Variants in PPARG observed in about 807,000 individuals in gnomAD.
PPARG encodes the protein peroxisome proliferator-activated receptor gamma.
In PPARG, 17 loss-of-function variants were observed where a neutral mutation model predicts 39.2. The ratio of observed to expected loss-of-function variants is 0.43; its 90% CI spans 0.30 to 0.65. PPARG has a LOEUF of 0.65. Among genes scored for constraint, PPARG ranks in the 30% least tolerant of loss-of-function variants. The pLI, the probability that PPARG is intolerant of heterozygous loss-of-function variation, is 0.13. For missense variants in PPARG, 406 were observed against 585.9 expected (o/e 0.69, Z 3.17); for synonymous variants, 223 against 215.7 (o/e 1.03, Z -0.30).
intron 2 of PPARG, among the ~76,000 whole-genome samples, chr3:12,331,184 A>T (rs1389167279): frequency 6.6e-6 from 1 of 152,242 alleles, no homozygotes; most frequent in Non-Finnish European, 1.5e-5. Context: ...GCAGAAAAAG[A>T]ACAAGTATTA....
chr3:12,326,757 A>G (rs529283805), intron 2 of PPARG, among the ~76,000 whole-genome samples: 22 of 152,302 alleles, frequency 1.4e-4, no homozygotes, highest in African/African-American at 4.8e-4. Flanking sequence ...GATTTTAACA[A>G]ATGACTGTTT....
intron 1 of PPARG, among the ~76,000 whole-genome samples, chr3:12,292,021 A>G (rs564516514): frequency 1.3e-4 from 20 of 152,352 alleles, no homozygotes; most frequent in South Asian, 1.0e-3. Flanking sequence ...ATGAATATCT[A>G]TGTCATAGCT....
chr3:12,420,898 C>G (rs1007163616), intron 7 of PPARG, among the ~76,000 whole-genome samples: 9 of 152,178 alleles, frequency 5.9e-5, no homozygotes, highest in Non-Finnish European at 1.3e-4. Flanking sequence ...AGTCTTTCTC[C>G]TCTCTCTCTT....
At chr3:12,365,378 A>G (rs2048982112) in intron 2 of PPARG, among the ~76,000 whole-genome samples, 1 of 151,786 alleles carries the variant, frequency 6.6e-6, no homozygotes, top group South Asian at 2.1e-4. Context: ...GACTTTTTTT[A>G]TTTTAATGAA....
intron 7 of PPARG, among the ~76,000 whole-genome samples, chr3:12,429,479 G>A (rs1436473751): frequency 6.6e-6 from 1 of 151,316 alleles, no homozygotes; most frequent in East Asian, 1.9e-4. Context: ...GCACTTTGAG[G>A]GGCTGAGGAG....
chr3:12,288,225 G>A (rs1278435520), upstream of PPARG, among the ~76,000 whole-genome samples: 1 of 151,744 alleles, frequency 6.6e-6, no homozygotes, highest in East Asian at 2.0e-4. Context: ...TCATGGTCCG[G>A]CAGGACCCGG....
intron 2 of PPARG, among the ~76,000 whole-genome samples, chr3:12,369,769 T>C (rs935490577): frequency 6.6e-6 from 1 of 152,218 alleles, no homozygotes; most frequent in Non-Finnish European, 1.5e-5. Flanking sequence ...GCTTAGCTAT[T>C]TACTTTTCTG....
In PPARG at chr3:12,332,777, T is replaced by G. The variant is rs115456374; in HGVS notation, c.-9+20324T>G. 9.1e-4 allele frequency among the ~76,000 whole-genome samples: 139 copies of G among 152,306 alleles called. 1 individual carries two copies. Among genetic ancestry groups the G allele is most frequent in the African/African-American group, 3.3e-3 (136 of 41,542 alleles). On this transcript the variant is annotated intron_variant, in intron 2 of 7. Transcript: ENST00000651735. Reference sequence around the variant, plus strand: ...CAGGAGCAGTGACTCAGGCCTATAGTCCCAGCACTTTGGGAGACCAAGGTG... The same window carrying G: ...CAGGAGCAGTGACTCAGGCCTATAGGCCCAGCACTTTGGGAGACCAAGGTG...
chr3:12,383,070 C>A (rs568753988), intron 4 of PPARG, among the ~76,000 whole-genome samples: 2 of 152,288 alleles, frequency 1.3e-5, no homozygotes, highest in South Asian at 4.1e-4. Context: ...CTAAAGGCAA[C>A]CTAATACAGT....
intron 1 of PPARG, among the ~76,000 whole-genome samples, chr3:12,292,084 G>A (rs2046662739): frequency 6.6e-6 from 1 of 152,168 alleles, no homozygotes; most frequent in Non-Finnish European, 1.5e-5. Flanking sequence ...CAATAACTTT[G>A]AGATTGTTAA....
chr3:12,311,524 C>G (rs1374890601), intron 1 of PPARG, among the ~76,000 whole-genome samples: 1 of 152,050 alleles, frequency 6.6e-6, no homozygotes, highest in African/African-American at 2.4e-5. Context: ...ACATTTATGC[C>G]ATGTGTTAAG....
At chr3:12,432,961 A>G (rs1457387060) in intron 7 of PPARG, among the ~76,000 whole-genome samples, 2 of 149,644 alleles carry the variant, frequency 1.3e-5, no homozygotes, top group East Asian at 1.9e-4. Context: ...TAAGTTCACC[A>G]TTTGCAAATT....
intron 1 of PPARG, among the ~76,000 whole-genome samples, chr3:12,301,040 G>A (rs1023170343): frequency 2.0e-5 from 3 of 152,070 alleles, no homozygotes; most frequent in Non-Finnish European, 2.9e-5. Flanking sequence ...TTTATGTATT[G>A]TTTTTGTGAT....
At chr3:12,364,743 G>A (rs539266127) in intron 2 of PPARG, among the ~76,000 whole-genome samples, 1 of 152,280 alleles carries the variant, frequency 6.6e-6, no homozygotes, top group Admixed American at 6.5e-5. Context: ...CATTCTATTT[G>A]TAGTGGTATC....
chr3:12,343,465 T>C (rs1188046843), intron 2 of PPARG, among the ~76,000 whole-genome samples: 4 of 152,232 alleles, frequency 2.6e-5, no homozygotes, highest in Non-Finnish European at 4.4e-5. Flanking sequence ...ATTAGCTATG[T>C]GATCTCAAAA....
chr3:12,355,698 A>C (rs778365074), intron 2 of PPARG, among the ~76,000 whole-genome samples: 1 of 152,200 alleles, frequency 6.6e-6, no homozygotes, highest in Non-Finnish European at 1.5e-5. Context: ...ACCCCAAAGA[A>C]GTATCATTTA....
At chr3:12,432,680 A>G (rs773600815) in intron 7 of PPARG, among the ~76,000 whole-genome samples, 2 of 152,230 alleles carry the variant, frequency 1.3e-5, no homozygotes, top group Non-Finnish European at 2.9e-5. Context: ...TAATGCTGCA[A>G]AAGAAGAAAT....
chr3:12,366,313 A>G (rs1379629860), intron 2 of PPARG, among the ~76,000 whole-genome samples: 1 of 150,238 alleles, frequency 6.7e-6, no homozygotes, highest in Non-Finnish European at 1.5e-5. Flanking sequence ...TGCTATAATC[A>G]CTTACTAGGT....
chr3:12,385,984 A>C (rs1423064185), intron 4 of PPARG, among the ~76,000 whole-genome samples: 1 of 152,220 alleles, frequency 6.6e-6, no homozygotes, highest in East Asian at 1.9e-4. Context: ...ACTTTCTAGC[A>C]GACAAATGTG....
Sources: gnomAD v4.1 joint callset for allele counts (sites outside exome capture counted in the v4.1 genomes callset) on GRCh38, gnomAD v4.1.1 for gene constraint, MANE v1.5 for transcripts, NCBI Gene and HGNC (gene_info 2026-07-23, HGNC 2026-07-21) for gene names.